The following MECOM variants were observed in gnomAD, a reference collection of about 807,000 sequenced individuals.
The protein encoded by MECOM is histone-lysine N-methyltransferase MECOM.
In MECOM, 13 loss-of-function variants were observed where a neutral mutation model predicts 116.3. That is an observed-to-expected ratio of 0.11 (90% confidence interval 0.07 to 0.18). The LOEUF (loss-of-function observed/expected upper bound fraction) is 0.18. Among genes scored for constraint, MECOM ranks in the 10% least tolerant of loss-of-function variants. MECOM has a pLI of 1.00. For missense variants in MECOM, 1,299 were observed against 1,509.0 expected (o/e 0.86, Z 2.31); for synonymous variants, 528 against 535.2 (o/e 0.99, Z 0.19).
intron 1 of MECOM, among the ~76,000 whole-genome samples, chr3:169,580,691 G>T (rs888380480): frequency 6.6e-6 from 1 of 152,154 alleles, no homozygotes; most frequent in Non-Finnish European, 1.5e-5. Context: ...TAGTAAGTAA[G>T]CAGAGAGAAA....
chr3:169,341,943 C>T (rs1460624678), intron 2 of MECOM, among the ~76,000 whole-genome samples: 1 of 152,068 alleles, frequency 6.6e-6, no homozygotes, highest in Non-Finnish European at 1.5e-5. Flanking sequence ...ATCAAAACAT[C>T]TCATGTACCC....
intron 2 of MECOM, among the ~76,000 whole-genome samples, chr3:169,222,768 A>C (rs1242680989): frequency 1.3e-5 from 2 of 152,216 alleles, no homozygotes; most frequent in East Asian, 3.8e-4. Context: ...AATTTTGTGA[A>C]GTTTTCTTCT....
At chr3:169,130,635 A>G (rs1265177561) in intron 4 of MECOM, among the ~76,000 whole-genome samples, 1 of 152,198 alleles carries the variant, frequency 6.6e-6, no homozygotes. Context: ...GGGATGCTAA[A>G]GAGATGAAGG....
At chr3:169,098,672 C>G (rs1255154861) in intron 12 of MECOM, among the ~76,000 whole-genome samples, 2 of 152,086 alleles carry the variant, frequency 1.3e-5, no homozygotes, top group Non-Finnish European at 2.9e-5. Flanking sequence ...AACTTTCACT[C>G]ACTAATTTTT....
intron 1 of MECOM, among the ~76,000 whole-genome samples, chr3:169,440,419 G>A (rs572527969): frequency 5.9e-5 from 9 of 152,078 alleles, no homozygotes; most frequent in Non-Finnish European, 8.8e-5. Flanking sequence ...AGGAAGCCTT[G>A]AAAGATGAGT....
intron 2 of MECOM, among the ~76,000 whole-genome samples, chr3:169,275,110 ATG>A (rs147107320): frequency 1.3e-5 from 2 of 151,720 alleles, no homozygotes; most frequent in African/African-American, 4.8e-5. Context: ...AAAGGCACAA[ATG>A]TGTGTGTGTG....
chr3:169,140,915 AATACAGGTTATCCAGC>A (rs1343519685), intron 3 of MECOM, among the ~76,000 whole-genome samples: 1 of 152,092 alleles, frequency 6.6e-6, no homozygotes, highest in Admixed American at 6.6e-5. Flanking sequence ...AAAGAAATCA[AATACAGGTTATCCAGC>A]ATACAACATT....
At chr3:169,097,582 C>T (rs1275150570) in intron 12 of MECOM, among the ~76,000 whole-genome samples, 1 of 151,918 alleles carries the variant, frequency 6.6e-6, no homozygotes, top group Non-Finnish European at 1.5e-5. Flanking sequence ...TAGTAGCAGA[C>T]TTTGCGGAAG....
intron 1 of MECOM, among the ~76,000 whole-genome samples, chr3:169,550,248 C>T (rs1173996301): frequency 2.6e-5 from 4 of 152,158 alleles, no homozygotes; most frequent in Non-Finnish European, 5.9e-5. Context: ...GGTCTTTTTC[C>T]AGGCCAAGAT....
chr3:169,285,891 A>G (rs895390944), intron 2 of MECOM, among the ~76,000 whole-genome samples: 6 of 152,214 alleles, frequency 3.9e-5, no homozygotes, highest in Non-Finnish European at 8.8e-5. Flanking sequence ...ACTACATTCA[A>G]CAAAAATCCT....
At chr3:169,121,291 A>T (rs1730952573) in intron 6 of MECOM, 82 bp from the exon 7 acceptor site, 1 of 1,373,174 alleles carries the variant, frequency 7.3e-7, no homozygotes, top group Non-Finnish European at 9.7e-7. Flanking sequence ...TCAAGAAGAA[A>T]TTTTTCTTAT....
chr3:169,123,602 C>G (rs962447690), intron 5 of MECOM, among the ~76,000 whole-genome samples: 2 of 151,926 alleles, frequency 1.3e-5, no homozygotes, highest in Admixed American at 1.3e-4. Flanking sequence ...GTCTGCAACA[C>G]CTTTATTGAT....
At chr3:169,379,472 A>G (rs1732045106) in intron 2 of MECOM, among the ~76,000 whole-genome samples, 1 of 152,088 alleles carries the variant, frequency 6.6e-6, no homozygotes, top group Non-Finnish European at 1.5e-5. Context: ...ATAATGAAAA[A>G]AATCATTTTA....
intron 2 of MECOM, among the ~76,000 whole-genome samples, chr3:169,348,993 A>G (rs1379009283): frequency 2.0e-5 from 3 of 151,972 alleles, no homozygotes; most frequent in African/African-American, 7.2e-5. Flanking sequence ...ACTTCAGGAG[A>G]CTGAGAACCA....
At chr3:169,341,701 C>T (rs946680366) in intron 2 of MECOM, among the ~76,000 whole-genome samples, 1 of 146,426 alleles carries the variant, frequency 6.8e-6, no homozygotes, top group African/African-American at 2.6e-5. Context: ...TATCGCACCA[C>T]TGCACTCCAG....
chr3:169,164,797 T>C (rs1743324517), intron 2 of MECOM, among the ~76,000 whole-genome samples: 1 of 152,188 alleles, frequency 6.6e-6, no homozygotes, highest in African/African-American at 2.4e-5. Flanking sequence ...GGGTTGTTAG[T>C]GGTGGTTTCC....
At chr3:169,279,830 C>G (rs1009868555) in intron 2 of MECOM, among the ~76,000 whole-genome samples, 1 of 152,148 alleles carries the variant, frequency 6.6e-6, no homozygotes, top group African/African-American at 2.4e-5. Context: ...TCTAACAGAA[C>G]AGTCTTACTG....
At chr3:169,358,593 A>T (rs1727688576) in intron 2 of MECOM, among the ~76,000 whole-genome samples, 1 of 151,432 alleles carries the variant, frequency 6.6e-6, no homozygotes, top group South Asian at 2.1e-4. Flanking sequence ...AAGGGTTTTG[A>T]GCCCTAGGAC....
chr3:169,388,966 G>C (rs1733816158), intron 1 of MECOM, among the ~76,000 whole-genome samples: 1 of 152,198 alleles, frequency 6.6e-6, no homozygotes, highest in South Asian at 2.1e-4. Context: ...GGGCAAGATA[G>C]CAAGGGAGAT....
Sources: gnomAD v4.1 joint callset for allele counts (sites outside exome capture counted in the v4.1 genomes callset) on GRCh38, gnomAD v4.1.1 for gene constraint, MANE v1.5 for transcripts, NCBI Gene and HGNC (gene_info 2026-07-23, HGNC 2026-07-21) for gene names.